CSNK1G1: variants seen among roughly 807,000 people sequenced by gnomAD.
CSNK1G1 encodes the protein casein kinase 1 gamma 1.
A neutral mutation model predicts 59.6 loss-of-function variants in CSNK1G1; 22 were observed. The observed-to-expected ratio is 0.37, with a 90% CI of 0.26 to 0.53. CSNK1G1 has a LOEUF of 0.53. Ranked by LOEUF, CSNK1G1 falls within the 20% of genes least tolerant of loss-of-function variation. The pLI is 0.89. For synonymous variants in CSNK1G1, 179 were observed against 177.1 expected, an observed-to-expected ratio of 1.01 and a Z score of -0.08; for missense variants, 384 against 519.5, an observed-to-expected ratio of 0.74 and a Z score of 2.54.
At chr15:64,252,129 T>C (rs371053937) in intron 3 of CSNK1G1, among the ~76,000 whole-genome samples, 1 of 151,344 alleles carries the variant, frequency 6.6e-6, no homozygotes, top group Non-Finnish European at 1.5e-5. Flanking sequence ...TTAATATATA[T>C]AATATAGACT....
chr15:64,176,502 G>A lies in CSNK1G1; in HGVS notation c.1214+3846C>T, dbSNP rs919555782. On this transcript the variant is annotated intron_variant, in intron 11 of 11. Transcript: ENST00000303052. This position sits in a 1 kb window ranked among gnomAD's most constrained non-coding sequence, Gnocchi z 5.2. ...GGGTTCGGACAGGAGCCTGACAGAAGCATCAAGGTGGGAGCTGGATCTCAG... is the reference window on the plus strand; with the variant it reads ...GGGTTCGGACAGGAGCCTGACAGAAACATCAAGGTGGGAGCTGGATCTCAG... Among the ~76,000 whole-genome samples, 1 of 152,196 alleles carries A rather than the reference G, an allele frequency of 6.6e-6. No individual in the cohort carries two copies. Among genetic ancestry groups the A allele is most frequent in the Non-Finnish European group, 1.5e-5 (1 of 68,034 alleles).
At chr15:64,319,737 G>C (rs191659942) in intron 1 of CSNK1G1, among the ~76,000 whole-genome samples, 1 of 152,066 alleles carries the variant, frequency 6.6e-6, no homozygotes, top group Non-Finnish European at 1.5e-5. Context: ...TTTTAGTAGA[G>C]ACGAGGTTTC....
chr15:64,252,008 A>C (rs1308998409), intron 3 of CSNK1G1, among the ~76,000 whole-genome samples: 1 of 152,106 alleles, frequency 6.6e-6, no homozygotes, highest in East Asian at 1.9e-4. Context: ...ATTCAAATAT[A>C]CAAAAATTAG....
chr15:64,297,706 A>C (rs962698488), intron 2 of CSNK1G1, among the ~76,000 whole-genome samples: 10 of 152,036 alleles, frequency 6.6e-5, no homozygotes, highest in Non-Finnish European at 1.2e-4. Context: ...CTCAAAAAAA[A>C]AAAAAGAATA....
At chr15:64,205,791 A>G (rs1473754767) in intron 7 of CSNK1G1, among the ~76,000 whole-genome samples, 1 of 152,230 alleles carries the variant, frequency 6.6e-6, no homozygotes, top group Admixed American at 6.5e-5. Context: ...TGAAAGCTAT[A>G]AAAATCAATG....
At chr15:64,173,643 G>C (rs1268038100) in intron 11 of CSNK1G1, among the ~76,000 whole-genome samples, 3 of 103,576 alleles carry the variant, frequency 2.9e-5, no homozygotes, top group South Asian at 6.5e-4. Context: ...TTTTTTTTGA[G>C]ACTGAGTCTC....
At chr15:64,180,624 A>G (rs897534404) in intron 10 of CSNK1G1, among the ~76,000 whole-genome samples, 170 bp from the exon 11 acceptor site, 2 of 152,200 alleles carry the variant, frequency 1.3e-5, no homozygotes, top group Non-Finnish European at 2.9e-5. Flanking sequence ...CACTAATATC[A>G]ATGATGTAAT....
intron 2 of CSNK1G1, among the ~76,000 whole-genome samples, chr15:64,294,157 C>T (rs1285857205): frequency 6.6e-6 from 1 of 152,158 alleles, no homozygotes; most frequent in Non-Finnish European, 1.5e-5. Context: ...ACTGCAACCT[C>T]CATCTCCCAG....
At chr15:64,340,191 A>AG (rs963388808) in intron 1 of CSNK1G1, among the ~76,000 whole-genome samples, 4 of 146,234 alleles carry the variant, frequency 2.7e-5, no homozygotes, top group African/African-American at 1.1e-4. Context: ...GAAGGTTGTT[A>AG]CCTCTCGCAT....
chr15:64,263,949 C>A (rs925765548), intron 2 of CSNK1G1, among the ~76,000 whole-genome samples: 2 of 151,588 alleles, frequency 1.3e-5, no homozygotes, highest in Non-Finnish European at 2.9e-5. Flanking sequence ...TACTTCCACT[C>A]GGCAGTAAAT....
chr15:64,198,575 T>A (rs1272229327), intron 10 of CSNK1G1, among the ~76,000 whole-genome samples: 1 of 152,122 alleles, frequency 6.6e-6, no homozygotes, highest in Non-Finnish European at 1.5e-5. Context: ...GATGAAAGGT[T>A]AGCTGTTCCT....
rs778882458 is a variant in CSNK1G1, at chr15:64,210,549, T to A, written c.680-2955A>T. Among the ~76,000 whole-genome samples, 3 of 152,212 alleles carry A rather than the reference T, an allele frequency of 2.0e-5. No individual in the cohort carries two copies. The highest frequency in any genetic ancestry group is 4.8e-5 in the African/African-American group (2 of 41,448). On this transcript the variant is annotated intron_variant, in intron 6 of 11. Transcript: ENST00000303052. The surrounding 1 kb of genome is among the most constrained non-coding windows in gnomAD (Gnocchi z 4.2). The stretch of plus-strand genomic sequence containing the variant: ...AAAATTCTTCAATTCTTCTGATTGG[T>A]TGAAAGGTGTGCTTTCATCCAATCA...
intron 4 of CSNK1G1, among the ~76,000 whole-genome samples, chr15:64,232,467 A>G (rs1297399528): frequency 6.6e-6 from 1 of 152,272 alleles, no homozygotes; most frequent in Non-Finnish European, 1.5e-5. Flanking sequence ...GAACTAGTTA[A>G]GTTTTAATAT....
intron 1 of CSNK1G1, among the ~76,000 whole-genome samples, chr15:64,340,004 A>G (rs1188020254): frequency 6.6e-6 from 1 of 152,156 alleles, no homozygotes; most frequent in African/African-American, 2.4e-5. Context: ...GTAAACCTCT[A>G]TCATTATTTC....
chr15:64,289,344 T>C (rs1894609383), intron 2 of CSNK1G1, among the ~76,000 whole-genome samples: 1 of 152,206 alleles, frequency 6.6e-6, no homozygotes, highest in Admixed American at 6.6e-5. Context: ...GTGTGTCACC[T>C]AATGTGGTTA....
At chr15:64,234,095 T>C (rs970540826) in intron 4 of CSNK1G1, among the ~76,000 whole-genome samples, 2 of 152,206 alleles carry the variant, frequency 1.3e-5, no homozygotes, top group Non-Finnish European at 2.9e-5. Context: ...TTTCATATAC[T>C]GATCAGGTTC....
intron 8 of CSNK1G1, 89 bp from the exon 9 acceptor site, chr15:64,204,678 T>C: frequency 7.2e-7 from 1 of 1,383,846 alleles, no homozygotes; most frequent in Non-Finnish European, 1.0e-6. Context: ...AAGGGGTTAT[T>C]TATACAGACA....
intron 10 of CSNK1G1, among the ~76,000 whole-genome samples, chr15:64,198,635 T>C (rs1450196102): frequency 2.6e-5 from 4 of 152,074 alleles, no homozygotes; most frequent in Admixed American, 6.6e-5. Context: ...ATTTTTCTTT[T>C]GCTAATTTCA....
chr15:64,326,593 G>A (rs1466042348), intron 1 of CSNK1G1, among the ~76,000 whole-genome samples: 1 of 151,772 alleles, frequency 6.6e-6, no homozygotes, highest in Non-Finnish European at 1.5e-5. Flanking sequence ...GCAGGGAGCT[G>A]AGATCACGCC....
Sources: allele counts gnomAD v4.1 joint callset (sites outside exome capture counted in the v4.1 genomes callset), GRCh38; gene constraint gnomAD v4.1.1; non-coding constraint Gnocchi (gnomAD v3.1); transcripts MANE v1.5; gene names NCBI Gene and HGNC (gene_info 2026-07-23, HGNC 2026-07-21).